The following DLGAP4 variants were observed in gnomAD, a reference collection of about 807,000 sequenced individuals.
The protein encoded by DLGAP4 is DLG associated protein 4, also known as disks large-associated protein 4.
DLGAP4 carries 18 observed loss-of-function variants against 86.9 expected under a neutral mutation model. The observed-to-expected ratio is 0.21, with a 90% CI of 0.14 to 0.31. The LOEUF (loss-of-function observed/expected upper bound fraction) is 0.31. DLGAP4 is among the 10% of genes least tolerant of loss of function. DLGAP4 has a pLI of 1.00. For missense variants in DLGAP4, 1,085 were observed against 1,362.6 expected (o/e 0.80, Z 3.21); for synonymous variants, 548 against 574.3 (o/e 0.95, Z 0.65).
intron 1 of DLGAP4, among the ~76,000 whole-genome samples, chr20:36,328,159 A>T (rs1031121689): frequency 3.1e-4 from 47 of 152,042 alleles, no homozygotes; most frequent in Non-Finnish European, 6.3e-4. Flanking sequence ...AGATGGTACC[A>T]CTGCATTCCA....
At chr20:36,515,020 G>A (rs1235466292) in intron 10 of DLGAP4, among the ~76,000 whole-genome samples, 1 of 152,132 alleles carries the variant, frequency 6.6e-6, no homozygotes, top group African/African-American at 2.4e-5. Flanking sequence ...TGGCATCCAG[G>A]AGAGAGGAGG....
chr20:36,525,720 C>A (rs749540418), intron 11 of DLGAP4, 131 bp from the exon 12 acceptor site: 3 of 1,219,366 alleles, frequency 2.5e-6, no homozygotes, highest in Non-Finnish European at 3.5e-6. Flanking sequence ...CAGATACTTA[C>A]CCAGACACTA....
chr20:36,404,266 C>G (rs1386521186), intron 2 of DLGAP4, among the ~76,000 whole-genome samples: 2 of 152,166 alleles, frequency 1.3e-5, no homozygotes, highest in Admixed American at 1.3e-4. Context: ...TCCTGTAGGT[C>G]TATGGTAGGG....
chr20:36,503,397 C>G (rs1283621455), intron 10 of DLGAP4, among the ~76,000 whole-genome samples: 1 of 151,920 alleles, frequency 6.6e-6, no homozygotes, highest in South Asian at 2.1e-4. Context: ...GCTCCCACAG[C>G]CTTAGGCAAC....
In DLGAP4 at chr20:36,308,007, G is replaced by A. The variant is rs781988654; in HGVS notation, c.-304+1495G>A. Among the ~76,000 whole-genome samples, 6 of 152,220 alleles carry A rather than the reference G, an allele frequency of 3.9e-5. No individual in the cohort carries two copies. Among genetic ancestry groups the A allele is most frequent in the African/African-American group, 7.2e-5 (3 of 41,454 alleles). On this transcript the variant is annotated intron_variant, in intron 1 of 12. Transcript: ENST00000339266. The surrounding 1 kb of genome is among the most constrained non-coding windows in gnomAD (Gnocchi z 4.5). Reference sequence around the variant, plus strand: ...GCAGAGCTGGTGCCCTGGCCTGGCCGATGGGTGGCTGGAGTGTTGGAGCCA... The same window carrying A: ...GCAGAGCTGGTGCCCTGGCCTGGCCAATGGGTGGCTGGAGTGTTGGAGCCA...
At chr20:36,489,668 AG>A (rs1356221508) in intron 7 of DLGAP4, among the ~76,000 whole-genome samples, 3 of 151,990 alleles carry the variant, frequency 2.0e-5, no homozygotes, top group Non-Finnish European at 4.4e-5. Flanking sequence ...TCGGAAGGCC[AG>A]GGGGCATCTG....
intron 2 of DLGAP4, among the ~76,000 whole-genome samples, chr20:36,378,837 C>T (rs1426202177): frequency 2.6e-5 from 4 of 151,956 alleles, no homozygotes; most frequent in Non-Finnish European, 2.9e-5. Context: ...TTCTATTTGG[C>T]TGGAGTAGAA....
intron 1 of DLGAP4, among the ~76,000 whole-genome samples, chr20:36,330,679 T>G (rs1395390922): frequency 6.6e-6 from 1 of 151,644 alleles, no homozygotes; most frequent in Non-Finnish European, 1.5e-5. Context: ...TTCAAGCAAT[T>G]CTCCTGCCTC....
At chr20:36,512,474 T>C (rs937726085) in intron 10 of DLGAP4, 1 of 152,262 alleles carries the variant, frequency 6.6e-6, no homozygotes, top group Non-Finnish European at 1.5e-5. Context: ...GAATATTTAT[T>C]GAGTACCTAC....
In DLGAP4 at chr20:36,432,093, C is replaced by T. The variant is rs2033145248; in HGVS notation, c.376C>T (p.Arg126Cys). Residue 126 changes from arginine to cysteine, a missense_variant, in exon 3 of 13, where the codon CGT (arginine) becomes TGT (cysteine). Coordinates refer to ENST00000339266, the MANE Select transcript of DLGAP4 (RefSeq NM_001365621.2). The surrounding 1 kb of genome is among the most constrained non-coding windows in gnomAD (Gnocchi z 6.5). ...RDGFSTLQFP[R>C]GEAKARGESP... ...TGGCTTCAGCACCCTCCAATTTCCCCGTGGCGAGGCCAAGGCCCGTGGTGA... is the reference window on the plus strand; with the variant it reads ...TGGCTTCAGCACCCTCCAATTTCCCTGTGGCGAGGCCAAGGCCCGTGGTGA... The T allele has an allele frequency of 4.3e-6, 7 of 1,614,210 alleles. No individual in the cohort carries two copies. Among genetic ancestry groups the T allele is most frequent in the Non-Finnish European group, 5.9e-6 (7 of 1,180,038 alleles).
intron 2 of DLGAP4, among the ~76,000 whole-genome samples, chr20:36,392,575 G>T (rs549417289): frequency 4.2e-5 from 5 of 118,168 alleles, no homozygotes; most frequent in African/African-American, 1.4e-4. Context: ...TCACCATGTT[G>T]GTCAGGCTGC....
chr20:36,489,353 T>C (rs1432321221), intron 7 of DLGAP4, among the ~76,000 whole-genome samples: 2 of 152,302 alleles, frequency 1.3e-5, no homozygotes, highest in South Asian at 2.1e-4. Context: ...GCTGTTAGCA[T>C]CAGAATCATT....
rs1284687981 is a variant in DLGAP4 at position 36,496,653 on chromosome 20, T to TG, written c.1649-47dup. 1.7e-5 allele frequency: 26 copies of TG among 1,557,216 alleles called. No individual in the cohort carries two copies. In the Admixed American group the frequency reaches 4.4e-4, roughly 26 times the overall value. On this transcript the variant is annotated intron_variant, in intron 7 of 12. Coordinates refer to ENST00000339266, the MANE Select transcript of DLGAP4 (RefSeq NM_001365621.2). ...TGCATTGGAAGGGGCTTGAGAGGGT[T>TG]GGGGGCTTCACCATCTCACCTCTCC...
chr20:36,313,201 G>T (rs942751091), intron 1 of DLGAP4, among the ~76,000 whole-genome samples: 1 of 152,124 alleles, frequency 6.6e-6, no homozygotes. Flanking sequence ...GTGCAGTGAC[G>T]CAGCACCCGA....
At chr20:36,508,368 C>A (rs981412658) in intron 10 of DLGAP4, 4 of 149,970 alleles carry the variant, frequency 2.7e-5, no homozygotes, top group African/African-American at 9.8e-5. Flanking sequence ...CTGTTAAATT[C>A]ATACACATAT....
At chr20:36,463,225 G>A (rs1005771845) in intron 7 of DLGAP4, among the ~76,000 whole-genome samples, 7 of 152,182 alleles carry the variant, frequency 4.6e-5, no homozygotes, top group Non-Finnish European at 1.0e-4. Context: ...CCAGCTTCAA[G>A]GTGTTGTAAC....
At chr20:36,362,190 G>A (rs1330238130) in intron 1 of DLGAP4, among the ~76,000 whole-genome samples, 3 of 151,596 alleles carry the variant, frequency 2.0e-5, no homozygotes, top group Admixed American at 1.3e-4. Flanking sequence ...AAACTGGGGG[G>A]CAGAGGTTGC....
chr20:36,494,291 C>T (rs1327061540), intron 7 of DLGAP4, among the ~76,000 whole-genome samples: 1 of 152,164 alleles, frequency 6.6e-6, no homozygotes, highest in Non-Finnish European at 1.5e-5. Flanking sequence ...AACATCGTGG[C>T]ATGTGTTACT....
At chr20:36,321,098 C>T (rs2065163234) in intron 1 of DLGAP4, among the ~76,000 whole-genome samples, 2 of 152,124 alleles carry the variant, frequency 1.3e-5, no homozygotes, top group Admixed American at 6.5e-5. Context: ...AGCAGGTACC[C>T]GCATGGCAGC....
Sources: gnomAD v4.1 joint callset for allele counts (sites outside exome capture counted in the v4.1 genomes callset) on GRCh38, gnomAD v4.1.1 for gene constraint, Gnocchi (gnomAD v3.1) non-coding constraint, MANE v1.5 for transcripts, NCBI Gene and HGNC (gene_info 2026-07-23, HGNC 2026-07-21) for gene names.